The following SLIT3 variants were observed in gnomAD, a reference collection of about 807,000 sequenced individuals.
SLIT3 encodes the protein slit homolog 3 protein.
A neutral mutation model predicts 184.0 loss-of-function variants in SLIT3; 68 were observed. That is an observed-to-expected ratio of 0.37 (90% CI 0.30 to 0.45). The LOEUF (loss-of-function observed/expected upper bound fraction) is 0.45. Ranked by LOEUF, SLIT3 falls within the 20% of genes least tolerant of loss-of-function variation. The probability of loss-of-function intolerance (pLI) is 1.00; values close to 1 mark genes in which losing one functional copy is unlikely to be tolerated. For synonymous variants in SLIT3, 831 were observed against 828.6 expected (o/e 1.00, Z -0.05); for missense variants, 1,707 against 2,026.0 (o/e 0.84, Z 3.02).
intron 13 of SLIT3, 80 bp from the exon 14 acceptor site, chr5:168,773,024 C>A: frequency 7.1e-7 from 1 of 1,405,796 alleles, no homozygotes; most frequent in East Asian, 2.4e-5. Context: ...TCGCGCTGGG[C>A]CCTGGCAATC....
chr5:168,830,518 T>C (rs1158125810), intron 6 of SLIT3, among the ~76,000 whole-genome samples: 3 of 152,236 alleles, frequency 2.0e-5, no homozygotes, highest in Non-Finnish European at 4.4e-5. Flanking sequence ...TAGTCAAGGA[T>C]ATCGCTTTGA....
chr5:168,743,117 G>A (rs1369163710), intron 20 of SLIT3, among the ~76,000 whole-genome samples: 1 of 152,198 alleles, frequency 6.6e-6, no homozygotes, highest in African/African-American at 2.4e-5. Flanking sequence ...GTCCCCAAAA[G>A]CATTATTAGA....
chr5:168,959,579 G>A (rs1191473679), intron 4 of SLIT3, among the ~76,000 whole-genome samples: 7 of 152,298 alleles, frequency 4.6e-5, no homozygotes, highest in East Asian at 3.9e-4. Flanking sequence ...CACAGGCCCC[G>A]CCTCCAGGCT....
rs181749190 is a variant in SLIT3, at chr5:169,063,490, A to C, written c.413+129989T>G. Among the ~76,000 whole-genome samples the C allele has an allele frequency of 1.5e-3, 224 of 152,314 alleles. 1 individual carries two copies. The highest frequency in any genetic ancestry group is 5.3e-3 in the African/African-American group (220 of 41,574). On this transcript the variant is annotated intron_variant, in intron 4 of 35. Transcript: ENST00000519560. Reference sequence around the variant, plus strand: ...CAGATTTCCTGGAACTGAGGCTCCCAAGCCCTGCTGCTTTCTGACCCGCCT... The same window carrying C: ...CAGATTTCCTGGAACTGAGGCTCCCCAGCCCTGCTGCTTTCTGACCCGCCT...
chr5:168,705,738 A>G (rs996930044), intron 26 of SLIT3, among the ~76,000 whole-genome samples: 1 of 152,242 alleles, frequency 6.6e-6, no homozygotes. Flanking sequence ...TTGCTCTGAC[A>G]CTGACGGTCA....
intron 4 of SLIT3, among the ~76,000 whole-genome samples, chr5:169,109,383 A>G (rs1760329639): frequency 1.3e-5 from 2 of 152,218 alleles, no homozygotes; most frequent in African/African-American, 4.8e-5. Context: ...CAACAACTGA[A>G]TGAGCTTGGA....
At chr5:169,149,500 G>C (rs1762043612) in intron 4 of SLIT3, among the ~76,000 whole-genome samples, 1 of 152,062 alleles carries the variant, frequency 6.6e-6, no homozygotes, top group Non-Finnish European at 1.5e-5. Context: ...CCAGACTCCA[G>C]AGACCCCTGG....
intron 4 of SLIT3, among the ~76,000 whole-genome samples, chr5:169,080,339 C>A (rs1036973540): frequency 2.0e-5 from 3 of 152,170 alleles, no homozygotes; most frequent in African/African-American, 7.2e-5. Context: ...AGGTATTGAG[C>A]CTTTATGTGC....
At chr5:169,287,020 C>A (rs778687643) in intron 1 of SLIT3, among the ~76,000 whole-genome samples, 4 of 152,188 alleles carry the variant, frequency 2.6e-5, no homozygotes, top group African/African-American at 7.2e-5. Context: ...GGAGGGCACA[C>A]GGCAGGGGGA....
intron 4 of SLIT3, among the ~76,000 whole-genome samples, chr5:169,114,960 AG>A (rs1020841200): frequency 6.6e-6 from 1 of 152,146 alleles, no homozygotes; most frequent in Non-Finnish European, 1.5e-5. Context: ...GATGAAATGG[AG>A]GGGGAGGGCG....
At chr5:169,122,428 C>T (rs1227458987) in intron 4 of SLIT3, among the ~76,000 whole-genome samples, 7 of 152,144 alleles carry the variant, frequency 4.6e-5, no homozygotes, top group Admixed American at 4.6e-4. Context: ...AGCTCTGGTA[C>T]CTGGAGTATT....
At chr5:168,911,907 C>T (rs549545689) in intron 4 of SLIT3, among the ~76,000 whole-genome samples, 3 of 152,324 alleles carry the variant, frequency 2.0e-5, no homozygotes, top group Admixed American at 1.3e-4. Context: ...GCTGAACTCC[C>T]GTTTATTTTT....
intron 3 of SLIT3, among the ~76,000 whole-genome samples, chr5:169,241,272 T>C (rs1765396138): frequency 6.6e-6 from 1 of 152,206 alleles, no homozygotes; most frequent in South Asian, 2.1e-4. Context: ...ACTTTGAGTT[T>C]CATGTTTTAT....
At chr5:169,215,721 T>A (rs546804145) in intron 3 of SLIT3, among the ~76,000 whole-genome samples, 1 of 152,186 alleles carries the variant, frequency 6.6e-6, no homozygotes, top group East Asian at 1.9e-4. Context: ...TCCTAAAGAT[T>A]TCCTGAATAA....
chr5:169,254,538 C>T lies in SLIT3; in HGVS notation c.198-3079G>A, dbSNP rs574352675. Among the ~76,000 whole-genome samples, 11 of 152,112 alleles carry T rather than the reference C, an allele frequency of 7.2e-5. No individual in the cohort carries two copies. In the South Asian group the frequency reaches 2.3e-3, roughly 32 times the overall value. On this transcript the variant is annotated intron_variant, in intron 1 of 35. Transcript: ENST00000519560. ...AAGAGATGGTGTCTATGCCAATTTC[C>T]CTTGAACTTGAGCAGGCTTTGAGAC...
intron 4 of SLIT3, among the ~76,000 whole-genome samples, chr5:169,160,205 C>T (rs1330489702): frequency 6.6e-6 from 1 of 152,178 alleles, no homozygotes. Context: ...CTGTGCCATG[C>T]CATTCAGAGA....
chr5:168,876,726 C>T (rs1325294760), intron 5 of SLIT3, among the ~76,000 whole-genome samples: 5 of 152,196 alleles, frequency 3.3e-5, no homozygotes, highest in African/African-American at 4.8e-5. Context: ...TAATCCATGG[C>T]CTATGACTGC....
chr5:168,902,149 C>G (rs543519706), intron 4 of SLIT3, among the ~76,000 whole-genome samples: 2 of 152,272 alleles, frequency 1.3e-5, no homozygotes, highest in South Asian at 4.1e-4. Flanking sequence ...CTTGGCCTCC[C>G]AAAGTGCTGG....
chr5:169,082,453 A>G (rs936722386), intron 4 of SLIT3, among the ~76,000 whole-genome samples: 4 of 152,252 alleles, frequency 2.6e-5, no homozygotes, highest in Non-Finnish European at 4.4e-5. Flanking sequence ...AAAATAACAC[A>G]CAAAGCCACC....
Sources: gnomAD v4.1 joint callset for allele counts (sites outside exome capture counted in the v4.1 genomes callset) on GRCh38, gnomAD v4.1.1 for gene constraint, MANE v1.5 for transcripts, NCBI Gene and HGNC (gene_info 2026-07-23, HGNC 2026-07-21) for gene names.